The following TTLL11 variants were observed in gnomAD, a reference collection of about 807,000 sequenced individuals.
TTLL11 encodes tubulin tyrosine ligase like 11.
TTLL11 carries 42 observed loss-of-function variants against 51.7 expected under a neutral mutation model. The ratio of observed to expected loss-of-function variants is 0.81; its 90% CI spans 0.64 to 1.05. The LOEUF (loss-of-function observed/expected upper bound fraction) is 1.05. TTLL11 is among the 50% of genes least tolerant of loss of function. The pLI, the probability that TTLL11 is intolerant of heterozygous loss-of-function variation, is 0.00. For missense variants in TTLL11, 799 were observed against 940.4 expected (o/e 0.85, Z 1.97); for synonymous variants, 381 against 383.5 (o/e 0.99, Z 0.08).
intron 4 of TTLL11, among the ~76,000 whole-genome samples, chr9:121,975,951 T>G (rs1208261747): frequency 6.6e-6 from 1 of 152,128 alleles, no homozygotes; most frequent in African/African-American, 2.4e-5. Context: ...GAAGAAGGGA[T>G]TATGTGCTCC....
Position 121,989,071 on chromosome 9 carries a change from GCAC to G in TTLL11, c.1269+121_1269+123del. On this transcript the variant is annotated intron_variant, in intron 4 of 8. Transcript: ENST00000321582. This position sits in a 1 kb window ranked among gnomAD's most constrained non-coding sequence, Gnocchi z 4.2. Reference sequence around the variant, plus strand: ...CCCAGGTTTAACACCCAAGCCCACAGCACCACCAACACTGTCCCCTCCTCTGGC... The same window carrying G: ...CCCAGGTTTAACACCCAAGCCCACAGCACCAACACTGTCCCCTCCTCTGGC... The G allele has an allele frequency of 5.3e-6, 8 of 1,513,866 alleles. No homozygotes were observed. Among genetic ancestry groups the G allele is most frequent in the Non-Finnish European group, 7.1e-6 (8 of 1,131,194 alleles). 93.8% of individuals were successfully genotyped at this position (1,513,866 alleles called of 1,614,324 possible). A position where few individuals can be genotyped will look rare whatever the true frequency, so the allele number is the denominator to read the frequency against.
At chr9:121,889,210 G>A (rs999501166) in intron 6 of TTLL11, among the ~76,000 whole-genome samples, 1 of 152,132 alleles carries the variant, frequency 6.6e-6, no homozygotes, top group African/African-American at 2.4e-5. Flanking sequence ...ATTTTACCAA[G>A]TAATCAAAGC....
chr9:122,045,422 G>A (rs534071261), intron 1 of TTLL11, among the ~76,000 whole-genome samples: 36 of 152,112 alleles, frequency 2.4e-4, no homozygotes, highest in Middle Eastern at 3.4e-3. Flanking sequence ...GCGTCGTGGC[G>A]CGCCTGTAAT....
At chr9:122,041,855 G>C (rs1374741804) in intron 1 of TTLL11, among the ~76,000 whole-genome samples, 3 of 151,824 alleles carry the variant, frequency 2.0e-5, no homozygotes, top group Admixed American at 1.3e-4. Context: ...TACCTAAAAT[G>C]GTCTACAGAT....
At chr9:121,840,478 C>A (rs893813568) in intron 8 of TTLL11, among the ~76,000 whole-genome samples, 1 of 152,216 alleles carries the variant, frequency 6.6e-6, no homozygotes, top group Non-Finnish European at 1.5e-5. Context: ...TCACTGCAAC[C>A]TCTACCTACC....
intron 6 of TTLL11, among the ~76,000 whole-genome samples, chr9:121,913,702 C>G (rs1174601539): frequency 6.6e-6 from 1 of 152,168 alleles, no homozygotes; most frequent in Non-Finnish European, 1.5e-5. Context: ...GAACTGACAC[C>G]TGAAGGCTAT....
At chr9:121,984,230 T>G (rs370324024) in intron 4 of TTLL11, among the ~76,000 whole-genome samples, 1 of 151,666 alleles carries the variant, frequency 6.6e-6, no homozygotes, top group African/African-American at 2.4e-5. Flanking sequence ...CTTGGAACAC[T>G]TGTGTTCCTG....
At chr9:121,937,207 A>T (rs559543468) in intron 6 of TTLL11, among the ~76,000 whole-genome samples, 1 of 152,324 alleles carries the variant, frequency 6.6e-6, no homozygotes, top group African/African-American at 2.4e-5. Flanking sequence ...GATTAAGTGG[A>T]AAAACGGACG....
At chr9:121,858,190 A>G (rs1487053863) in intron 8 of TTLL11, among the ~76,000 whole-genome samples, 1 of 152,224 alleles carries the variant, frequency 6.6e-6, no homozygotes, top group Non-Finnish European at 1.5e-5. Context: ...GAGATGCGAT[A>G]GAGGCACTCA....
At position 122,093,280 on chromosome 9, in the gene TTLL11, C is replaced by T. The variant is rs529873042; in HGVS notation, c.-132G>A. Reference sequence around the variant, plus strand: ...CCCCGCCCGAGCCCGTTGCCATGATCGCTCAGGCTCGGGTTGACAGCGGCA... The same window carrying T: ...CCCCGCCCGAGCCCGTTGCCATGATTGCTCAGGCTCGGGTTGACAGCGGCA... On this transcript the variant is annotated 5_prime_UTR_variant, in exon 1 of 9. Coordinates refer to ENST00000321582, the MANE Select transcript of TTLL11 (RefSeq NM_001139442.2). The T allele has an allele frequency of 1.9e-6, 3 of 1,557,806 alleles. No individual in the cohort carries two copies. The East Asian group carries it at 7.3e-5, about 38-fold the overall frequency.
intron 1 of TTLL11, among the ~76,000 whole-genome samples, chr9:122,043,513 C>T (rs79392159): frequency 0.024 from 3,723 of 152,088 alleles, 140 homozygotes; most frequent in African/African-American, 0.086. Context: ...AAGGCCTAAT[C>T]ATATGAGCCA....
At chr9:122,028,886 G>A (rs1330003575) in intron 3 of TTLL11, among the ~76,000 whole-genome samples, 1 of 152,152 alleles carries the variant, frequency 6.6e-6, no homozygotes, top group Non-Finnish European at 1.5e-5. Flanking sequence ...GTCCGCAAAT[G>A]ACTTAAAAAG....
chr9:122,020,690 A>G (rs1844145743), intron 3 of TTLL11, among the ~76,000 whole-genome samples: 1 of 152,214 alleles, frequency 6.6e-6, no homozygotes, highest in African/African-American at 2.4e-5. Context: ...GGCTCTTTGG[A>G]GGGCAATTAG....
chr9:121,862,880 G>T (rs1838056006), intron 7 of TTLL11, among the ~76,000 whole-genome samples: 1 of 152,184 alleles, frequency 6.6e-6, no homozygotes, highest in South Asian at 2.1e-4. Flanking sequence ...TTAGGGACCG[G>T]ACAGGGGAGG....
intron 6 of TTLL11, among the ~76,000 whole-genome samples, chr9:121,968,707 C>A (rs546534164): frequency 6.6e-6 from 1 of 151,836 alleles, no homozygotes; most frequent in Non-Finnish European, 1.5e-5. Flanking sequence ...CAGACATGCA[C>A]CACCATGCCT....
chr9:121,880,131 G>A (rs1838729386), intron 6 of TTLL11, among the ~76,000 whole-genome samples: 1 of 152,176 alleles, frequency 6.6e-6, no homozygotes, highest in Non-Finnish European at 1.5e-5. Flanking sequence ...GGACTTCAGA[G>A]CCCCCTTTAA....
intron 6 of TTLL11, among the ~76,000 whole-genome samples, chr9:121,954,480 T>C (rs994968345): frequency 1.3e-5 from 2 of 152,222 alleles, no homozygotes; most frequent in African/African-American, 4.8e-5. Context: ...AATCAAAAAA[T>C]GGCCTTCTGT....
chr9:122,018,607 G>C (rs934569538), intron 3 of TTLL11, among the ~76,000 whole-genome samples: 2 of 152,206 alleles, frequency 1.3e-5, no homozygotes, highest in African/African-American at 4.8e-5. Context: ...GAAGAAATGG[G>C]ACTGAGTCGA....
At chr9:122,015,568 T>C (rs1843936719) in intron 3 of TTLL11, among the ~76,000 whole-genome samples, 1 of 152,102 alleles carries the variant, frequency 6.6e-6, no homozygotes, top group African/African-American at 2.4e-5. Flanking sequence ...CACTGCATTC[T>C]CCATGTTACT....
Sources: allele counts gnomAD v4.1 joint callset (sites outside exome capture counted in the v4.1 genomes callset), GRCh38; gene constraint gnomAD v4.1.1; non-coding constraint Gnocchi (gnomAD v3.1); transcripts MANE v1.5; gene names NCBI Gene and HGNC (gene_info 2026-07-23, HGNC 2026-07-21).